The following DPP6 variants were observed in gnomAD, a reference collection of about 807,000 sequenced individuals.
DPP6 encodes the protein dipeptidyl peptidase like 6.
DPP6 carries 69 observed loss-of-function variants against 122.6 expected under a neutral mutation model. The ratio of observed to expected loss-of-function variants is 0.56; its 90% CI spans 0.46 to 0.69. The LOEUF (loss-of-function observed/expected upper bound fraction) is 0.69. DPP6 is among the 30% of genes least tolerant of loss of function. DPP6 has a pLI of 0.00. For missense variants in DPP6, 928 were observed against 1,116.9 expected, an observed-to-expected ratio of 0.83 and a Z score of 2.41; for synonymous variants, 418 against 433.1, an observed-to-expected ratio of 0.97 and a Z score of 0.43.
intron 7 of DPP6, among the ~76,000 whole-genome samples, chr7:154,702,799 T>G (rs1840597121): frequency 1.3e-5 from 2 of 152,216 alleles, no homozygotes; most frequent in African/African-American, 4.8e-5. Flanking sequence ...GCTAAGATCA[T>G]TGATGAAGAT....
At chr7:154,347,664 C>T (rs149335808) in intron 1 of DPP6, among the ~76,000 whole-genome samples, 1 of 152,314 alleles carries the variant, frequency 6.6e-6, no homozygotes, top group Non-Finnish European at 1.5e-5. Flanking sequence ...TTGTCCCTTT[C>T]AGATGCTGCC....
rs115511623 is a variant in DPP6 at position 154,231,875 on chromosome 7, G to A, written c.243+178812G>A. On this transcript the variant is annotated intron_variant, in intron 1 of 25. Coordinates refer to ENST00000377770, the MANE Select transcript of DPP6 (RefSeq NM_130797.4). ...TTTCAAGTATTTGAGCATACTTGTA[G>A]CCCTTGAGGTCAACCGGCTTCCTTG... Among the ~76,000 whole-genome samples the A allele has an allele frequency of 3.0e-3, 455 of 152,312 alleles. 5 individuals are homozygous for A. The highest frequency in any genetic ancestry group is 0.011 in the African/African-American group (442 of 41,576).
chr7:154,816,656 T>C (rs994880806), intron 16 of DPP6, among the ~76,000 whole-genome samples: 24 of 152,194 alleles, frequency 1.6e-4, no homozygotes. Context: ...AGTAATCAAT[T>C]GAGTTTCTTA....
rs1366651206 is a variant in DPP6 at position 154,877,404 on chromosome 7, TGCACACACACACACAC to T, written c.2078+1305_2078+1320del. ...ATGACTACAACAACACATGTGTGCG[TGCACACACACACACAC>T]ACACACACACACCTCTCAAATAAGG... On this transcript the variant is annotated intron_variant, in intron 20 of 25. Coordinates refer to ENST00000377770, the MANE Select transcript of DPP6 (RefSeq NM_130797.4). This position sits in a 1 kb window ranked among gnomAD's most constrained non-coding sequence, Gnocchi z 5.2. 8.7e-6 allele frequency among the ~76,000 whole-genome samples: 1 copy of T among 114,842 alleles called. No individual in the cohort carries two copies. Among genetic ancestry groups the T allele is most frequent in the African/African-American group, 3.4e-5 (1 of 29,448 alleles). 75.3% of individuals were successfully genotyped at this position (114,842 alleles called of 152,430 possible).
At chr7:154,849,317 T>A (rs1802193873) in intron 16 of DPP6, among the ~76,000 whole-genome samples, 1 of 152,244 alleles carries the variant, frequency 6.6e-6, no homozygotes, top group Admixed American at 6.5e-5. Flanking sequence ...GAACAAGGGA[T>A]ATCTTTCCAT....
In DPP6 at chr7:154,483,401, T is replaced by TTTTAA. The variant is rs61038137; in HGVS notation, c.457+8364_457+8365insTTTAA. 6.6e-6 allele frequency among the ~76,000 whole-genome samples: 1 copy of TTTTAA among 151,248 alleles called. No homozygotes were observed. The highest frequency in any genetic ancestry group is 2.4e-5 in the African/African-American group (1 of 41,130). On this transcript the variant is annotated intron_variant, in intron 3 of 25. Transcript: ENST00000377770. This position sits in a 1 kb window ranked among gnomAD's most constrained non-coding sequence, Gnocchi z 8.1. ...AGGCACAATACAATTTTTTTTTTTTTAAAAGCATTTATTTGAGCAAACAGT... is the reference window on the plus strand; with the variant it reads ...AGGCACAATACAATTTTTTTTTTTTTTTTAAAAAAGCATTTATTTGAGCAAACAGT...
At chr7:154,462,848 T>G (rs1439955824) in intron 2 of DPP6, among the ~76,000 whole-genome samples, 1 of 135,650 alleles carries the variant, frequency 7.4e-6, no homozygotes, top group African/African-American at 2.7e-5. Context: ...CCCCTTCCTG[T>G]GTCCATGTGC....
intron 1 of DPP6, among the ~76,000 whole-genome samples, chr7:153,901,407 G>A (rs374588498): frequency 2.0e-5 from 3 of 152,178 alleles, no homozygotes; most frequent in East Asian, 1.9e-4. Context: ...AGTCTTCTGC[G>A]GATAAAGGTC....
intron 1 of DPP6, among the ~76,000 whole-genome samples, chr7:153,944,187 C>T (rs915001296): frequency 2.0e-5 from 3 of 152,218 alleles, no homozygotes; most frequent in East Asian, 1.9e-4. Context: ...GGGCTCGGTC[C>T]GTCTGGCCAT....
rs781612604 is a variant in DPP6 at position 154,892,838 on chromosome 7, G to A, written c.*358G>A. On this transcript the variant is annotated 3_prime_UTR_variant, in exon 26 of 26. Coordinates refer to ENST00000377770, the MANE Select transcript of DPP6 (RefSeq NM_130797.4). ...GGCCCCTAGATTCCAGCCACCAAGC[G>A]GAAGCATGAGACCCGCCCACACTAG... 3.7e-6 allele frequency: 2 copies of A among 547,154 alleles called. No individual in the cohort carries two copies. Among genetic ancestry groups the A allele is most frequent in the South Asian group, 1.4e-5 (1 of 71,840 alleles). 33.9% of individuals were successfully genotyped at this position (547,154 alleles called of 1,614,324 possible).
intron 1 of DPP6, among the ~76,000 whole-genome samples, chr7:153,982,677 G>A (rs552139586): frequency 6.6e-6 from 1 of 152,228 alleles, no homozygotes; most frequent in African/African-American, 2.4e-5. Flanking sequence ...CCTCTTCATG[G>A]ATTTCTCTAC....
intron 18 of DPP6, among the ~76,000 whole-genome samples, chr7:154,868,762 G>T (rs949821921): frequency 1.3e-5 from 2 of 152,164 alleles, no homozygotes; most frequent in South Asian, 4.1e-4. Context: ...CAAGTCACCC[G>T]GCTGGCCCCG....
intron 1 of DPP6, among the ~76,000 whole-genome samples, chr7:154,021,834 C>T (rs551491000): frequency 7.6e-4 from 116 of 152,334 alleles, no homozygotes; most frequent in Non-Finnish European, 1.3e-3. Context: ...GATTGGATGA[C>T]ACCCACCTAT....
At chr7:154,050,242 T>A (rs1800231183), upstream of DPP6, among the ~76,000 whole-genome samples, 1 of 152,134 alleles carries the variant, frequency 6.6e-6, no homozygotes. Context: ...ATAATTTAAT[T>A]GAGATTTTAA....
At chr7:154,208,564 T>C (rs1799576302) in intron 1 of DPP6, among the ~76,000 whole-genome samples, 1 of 152,238 alleles carries the variant, frequency 6.6e-6, no homozygotes, top group Non-Finnish European at 1.5e-5. Flanking sequence ...ATTTGCAGAA[T>C]TGATCGGCTG....
chr7:153,970,800 A>G (rs887996845), intron 1 of DPP6, among the ~76,000 whole-genome samples: 2 of 152,150 alleles, frequency 1.3e-5, no homozygotes, highest in Non-Finnish European at 1.5e-5. Flanking sequence ...TGAATTTGCT[A>G]CTGATGGATG....
chr7:154,514,019 A>G (rs1019161533), intron 3 of DPP6, among the ~76,000 whole-genome samples: 1 of 152,180 alleles, frequency 6.6e-6, no homozygotes, highest in African/African-American at 2.4e-5. Flanking sequence ...TTATGCCTGT[A>G]ATCCTATCAC....
At chr7:154,630,769 CA>C (rs1425515571) in intron 5 of DPP6, among the ~76,000 whole-genome samples, 1 of 152,024 alleles carries the variant, frequency 6.6e-6, no homozygotes, top group Non-Finnish European at 1.5e-5. Context: ...GAACATCACA[CA>C]CTGGGGCCTG....
intron 1 of DPP6, among the ~76,000 whole-genome samples, chr7:154,226,649 G>T (rs759761419): frequency 6.6e-6 from 1 of 152,148 alleles, no homozygotes; most frequent in Non-Finnish European, 1.5e-5. Flanking sequence ...ATTTTTTCAG[G>T]ATCGACTCTA....
Sources: allele counts gnomAD v4.1 joint callset (sites outside exome capture counted in the v4.1 genomes callset), GRCh38; gene constraint gnomAD v4.1.1; non-coding constraint Gnocchi (gnomAD v3.1); transcripts MANE v1.5; gene names NCBI Gene and HGNC (gene_info 2026-07-23, HGNC 2026-07-21).